CLUAP1: variants seen among roughly 807,000 people sequenced by gnomAD.
CLUAP1 encodes the protein intraflagellar transport 38.
CLUAP1 carries 50 observed loss-of-function variants against 55.0 expected under a neutral mutation model. That is an observed-to-expected ratio of 0.91 (90% CI 0.72 to 1.15). The LOEUF (loss-of-function observed/expected upper bound fraction) is 1.15, where lower values mean the gene tolerates loss of function less well. Among genes scored for constraint, CLUAP1 ranks in the 50% most tolerant of loss-of-function variants. The pLI is 0.00. For missense variants in CLUAP1, 530 were observed against 507.6 expected, an observed-to-expected ratio of 1.04 and a Z score of -0.42; for synonymous variants, 195 against 175.4, an observed-to-expected ratio of 1.11 and a Z score of -0.88.
chr16:3,531,716 A>T (rs2038123391), intron 10 of CLUAP1, among the ~76,000 whole-genome samples: 1 of 152,038 alleles, frequency 6.6e-6, no homozygotes, highest in Admixed American at 6.6e-5. Flanking sequence ...ACATACAAAG[A>T]TCACCTGAAA....
intron 10 of CLUAP1, among the ~76,000 whole-genome samples, chr16:3,532,280 T>C (rs1440613666): frequency 6.6e-6 from 1 of 152,216 alleles, no homozygotes; most frequent in Non-Finnish European, 1.5e-5. Context: ...GGTTGCATCA[T>C]TAAAAGTCAA....
rs1230013136 is a variant in CLUAP1 at position 3,531,719 on chromosome 16, A to G, written c.1036+1044A>G. ...GCACACACATACACATACAAAGATC[A>G]CCTGAAAAAAATTTAACCTGAGTGC... On this transcript the variant is annotated intron_variant, in intron 10 of 11. Transcript: ENST00000576634. 3.9e-5 allele frequency among the ~76,000 whole-genome samples: 6 copies of G among 152,002 alleles called. 1 individual carries two copies. The highest frequency in any genetic ancestry group is 1.3e-4 in the Admixed American group (2 of 15,256).
At chr16:3,529,683 ATTATTAT>A (rs2038052929) in intron 9 of CLUAP1, among the ~76,000 whole-genome samples, 2 of 6,218 alleles carry the variant, frequency 3.2e-4, no homozygotes, top group South Asian at 6.0e-3. Flanking sequence ...TATATTATAT[ATTATTAT>A]ATATTATATA....
rs2038233788 is a variant in CLUAP1, at chr16:3,536,478, T to C, written c.*207T>C. 2.0e-6 allele frequency: 1 copy of C among 507,512 alleles called. No individual in the cohort carries two copies. The highest frequency in any genetic ancestry group is 3.4e-6 in the Non-Finnish European group (1 of 294,490). 31.4% of individuals were successfully genotyped at this position (507,512 alleles called of 1,614,324 possible). A position where few individuals can be genotyped will look rare whatever the true frequency, so the allele number is the denominator to read the frequency against. On this transcript the variant is annotated 3_prime_UTR_variant, in exon 12 of 12. Coordinates refer to ENST00000576634, the MANE Select transcript of CLUAP1 (RefSeq NM_015041.3). ...ATTGAAGCAAATCCCTAAGATTTAT[T>C]TTTTTCCACCTTATTTATCTTCTAA...
At chr16:3,519,882 A>G (rs770506930) in intron 6 of CLUAP1, 21 bp from the exon 7 acceptor site, 4 of 1,573,886 alleles carry the variant, frequency 2.5e-6, no homozygotes, top group Non-Finnish European at 3.4e-6. Flanking sequence ...ACCTTGTCTC[A>G]TTATTTCCCA....
intron 9 of CLUAP1, among the ~76,000 whole-genome samples, chr16:3,529,482 TTATATAATTATATTA>T (rs1403069478): frequency 3.8e-5 from 3 of 79,154 alleles, no homozygotes; most frequent in African/African-American, 5.0e-5. Flanking sequence ...ATATTATATA[TTATATAATTATATTA>T]TATTATATAT....
chr16:3,498,526 C>T (rs189128243), upstream of CLUAP1, among the ~76,000 whole-genome samples: 15 of 152,124 alleles, frequency 9.9e-5, no homozygotes, highest in African/African-American at 3.1e-4. Flanking sequence ...ATCAGAAACA[C>T]GGCTGGGCAT....
At chr16:3,515,837 TCA>T (rs1158978653) in intron 6 of CLUAP1, among the ~76,000 whole-genome samples, 2 of 152,228 alleles carry the variant, frequency 1.3e-5, no homozygotes, top group African/African-American at 4.8e-5. Context: ...TTGATAATTA[TCA>T]GTTATTCAAT....
chr16:3,495,459 G>C, the CLUAP1 span: 1 of 1,600,000 alleles, frequency 6.3e-7, no homozygotes, highest in Non-Finnish European at 8.5e-7. Flanking sequence ...ACCAGGACTT[G>C]GGTGCAGCAG....
rs762163947 is a variant in CLUAP1, at chr16:3,532,803, A to C, written c.1054A>C (p.Ile352Leu). The change falls in exon 11 of 12, where the codon ATT becomes CTT. Residue 352 changes from isoleucine (I) to leucine (L), a missense_variant. Transcript: ENST00000576634. ...GTTCTCAGGAAGACCTGGCAAACGC[A>C]TTGTGGGCACGATGCAAGGTGGAGA... ...MLMQGRPGKR[I>L]VGTMQGGDSD... The C allele has an allele frequency of 3.1e-6, 5 of 1,614,092 alleles. No homozygotes were observed. Among genetic ancestry groups the C allele is most frequent in the East Asian group, 2.2e-5 (1 of 44,882 alleles).
intron 9 of CLUAP1, among the ~76,000 whole-genome samples, chr16:3,529,581 A>AT (rs1314703418): frequency 4.1e-4 from 15 of 36,902 alleles, no homozygotes; most frequent in African/African-American, 1.6e-3. Context: ...TATATTATAT[A>AT]ATATTATATA....
At chr16:3,523,121 A>G in intron 7 of CLUAP1, 37 bp from the exon 8 acceptor site, 2 of 1,572,390 alleles carry the variant, frequency 1.3e-6, no homozygotes, top group Middle Eastern at 1.8e-4. Context: ...ACTGCATATA[A>G]TTCACCTTTC....
At chr16:3,502,853 T>C (rs2037433259) in intron 1 of CLUAP1, among the ~76,000 whole-genome samples, 1 of 152,258 alleles carries the variant, frequency 6.6e-6, no homozygotes, top group South Asian at 2.1e-4. Flanking sequence ...GTGCAGTGTA[T>C]GGTAAGGATC....
At chr16:3,501,119 C>T (rs756063098) in intron 1 of CLUAP1, 30 bp downstream of exon 1, 1 of 1,575,320 alleles carries the variant, frequency 6.3e-7, no homozygotes, top group East Asian at 2.3e-5. Flanking sequence ...CTGTGACCTG[C>T]GGGTCTTCCA....
chr16:3,512,186 CAA>C (rs1210287851), intron 4 of CLUAP1, among the ~76,000 whole-genome samples, 195 bp from the exon 5 acceptor site: 112 of 79,836 alleles, frequency 1.4e-3, no homozygotes, highest in African/African-American at 3.7e-3. Context: ...AACTCCGTCT[CAA>C]AAAAAAAAAA....
intron 5 of CLUAP1, among the ~76,000 whole-genome samples, chr16:3,515,091 G>T (rs1311848863): frequency 6.6e-6 from 1 of 152,052 alleles, no homozygotes; most frequent in African/African-American, 2.4e-5. Flanking sequence ...TTGGGGCTGG[G>T]CATAGTGACT....
chr16:3,513,894 C>T (rs1354237077), intron 5 of CLUAP1, among the ~76,000 whole-genome samples: 3 of 152,218 alleles, frequency 2.0e-5, no homozygotes, highest in Admixed American at 6.5e-5. Flanking sequence ...TCTCTCACTG[C>T]CTTGCCTGTG....
intron 5 of CLUAP1, among the ~76,000 whole-genome samples, chr16:3,513,271 T>C (rs972080849): frequency 2.6e-5 from 4 of 152,196 alleles, no homozygotes; most frequent in African/African-American, 9.7e-5. Context: ...CGGGTGATTC[T>C]AACAGCAGTT....
intron 9 of CLUAP1, among the ~76,000 whole-genome samples, chr16:3,528,931 T>C (rs757828323): frequency 3.9e-5 from 6 of 152,174 alleles, no homozygotes; most frequent in Non-Finnish European, 7.3e-5. Flanking sequence ...AGTGTCAGCA[T>C]GCATTAATGT....
Sources: allele counts gnomAD v4.1 joint callset (sites outside exome capture counted in the v4.1 genomes callset), GRCh38; gene constraint gnomAD v4.1.1; transcripts MANE v1.5; gene names NCBI Gene and HGNC (gene_info 2026-07-23, HGNC 2026-07-21).